The following EXOC4 variants were observed in gnomAD, a reference collection of about 807,000 sequenced individuals.
The protein encoded by EXOC4 is SEC8-like 1.
In EXOC4, 71 loss-of-function variants were observed where a neutral mutation model predicts 107.2. The observed-to-expected ratio is 0.66, with a 90% CI of 0.55 to 0.81. The LOEUF (loss-of-function observed/expected upper bound fraction) is 0.81, where lower values mean the gene tolerates loss of function less well. Ranked by LOEUF, EXOC4 falls within the 30% of genes least tolerant of loss-of-function variation. EXOC4 has a pLI of 0.00. For synonymous variants in EXOC4, 456 were observed against 441.2 expected (o/e 1.03, Z -0.42); for missense variants, 1,108 against 1,189.6 (o/e 0.93, Z 1.01).
intron 10 of EXOC4, among the ~76,000 whole-genome samples, chr7:133,753,731 C>T (rs1313403717): frequency 1.3e-5 from 2 of 152,176 alleles, no homozygotes; most frequent in African/African-American, 4.8e-5. Context: ...AAGTTTCTCA[C>T]TGTACCTAGC....
In EXOC4 at chr7:133,607,283, T is replaced by C. The variant is rs751983655; in HGVS notation, c.1418-22762T>C. 9.9e-5 allele frequency among the ~76,000 whole-genome samples: 15 copies of C among 152,158 alleles called. 1 individual carries two copies. Among genetic ancestry groups the C allele is most frequent in the Non-Finnish European group, 1.8e-4 (12 of 68,032 alleles). On this transcript the variant is annotated intron_variant, in intron 9 of 17. Coordinates refer to ENST00000253861, the MANE Select transcript of EXOC4 (RefSeq NM_021807.4). ...TGTGTCTGACAAGCTGATCAAATGA[T>C]AAAGTGAAGGAAAATTGAGCCTCAA...
At chr7:134,009,222 G>T (rs1794713070) in intron 17 of EXOC4, among the ~76,000 whole-genome samples, 1 of 152,104 alleles carries the variant, frequency 6.6e-6, no homozygotes, top group Non-Finnish European at 1.5e-5. Flanking sequence ...TTCTGCCTGA[G>T]ATTTAGTATT....
At chr7:133,515,273 G>A (rs1799850342) in intron 9 of EXOC4, among the ~76,000 whole-genome samples, 2 of 151,806 alleles carry the variant, frequency 1.3e-5, no homozygotes, top group Admixed American at 6.6e-5. Context: ...AGGTGGGTTT[G>A]TAAAACCTGT....
At chr7:133,613,456 G>T (rs1802119282) in intron 9 of EXOC4, among the ~76,000 whole-genome samples, 1 of 152,170 alleles carries the variant, frequency 6.6e-6, no homozygotes, top group South Asian at 2.1e-4. Flanking sequence ...TCATACGGCA[G>T]TGAGAAGTGA....
chr7:133,856,140 A>G (rs1485887522), intron 11 of EXOC4, among the ~76,000 whole-genome samples: 1 of 152,278 alleles, frequency 6.6e-6, no homozygotes, highest in Admixed American at 6.5e-5. Flanking sequence ...AACAGATTCC[A>G]GACCTGCTTC....
At chr7:133,708,374 A>G (rs1794814187) in intron 10 of EXOC4, among the ~76,000 whole-genome samples, 3 of 152,248 alleles carry the variant, frequency 2.0e-5, no homozygotes, top group South Asian at 2.1e-4. Flanking sequence ...TGGGTTACCT[A>G]GTCCTAATAA....
chr7:133,502,592 A>C (rs193093483), intron 9 of EXOC4, among the ~76,000 whole-genome samples: 1 of 152,182 alleles, frequency 6.6e-6, no homozygotes, highest in African/African-American at 2.4e-5. Context: ...GTCACTCAAG[A>C]CACAGTTTAG....
chr7:133,919,794 A>G (rs1353470236), intron 13 of EXOC4, among the ~76,000 whole-genome samples: 1 of 152,116 alleles, frequency 6.6e-6, no homozygotes, highest in Non-Finnish European at 1.5e-5. Context: ...CTATTGAAGG[A>G]TATCTTAGTT....
chr7:133,835,277 T>G (rs1797894342), intron 11 of EXOC4, among the ~76,000 whole-genome samples: 3 of 152,224 alleles, frequency 2.0e-5, no homozygotes, highest in African/African-American at 7.2e-5. Flanking sequence ...AATTTAAGAA[T>G]GTGTGCCCAT....
At chr7:133,989,780 C>T (rs184806309) in intron 14 of EXOC4, among the ~76,000 whole-genome samples, 27 of 152,072 alleles carry the variant, frequency 1.8e-4, no homozygotes, top group African/African-American at 6.5e-4. Context: ...TGGAGAAAGT[C>T]AGTGTTGAGA....
chr7:133,665,470 A>C, intron 10 of EXOC4, among the ~76,000 whole-genome samples: 1 of 152,280 alleles, frequency 6.6e-6, no homozygotes, highest in East Asian at 1.9e-4. Flanking sequence ...TCTATAAATT[A>C]AGGTAATTGG....
chr7:134,053,397 C>G (rs994726092), intron 17 of EXOC4, among the ~76,000 whole-genome samples: 3 of 152,010 alleles, frequency 2.0e-5, no homozygotes, highest in African/African-American at 7.2e-5. Context: ...CCCTATGTTA[C>G]TATTTCCTTT....
intron 12 of EXOC4, among the ~76,000 whole-genome samples, chr7:133,905,712 T>C (rs1170402466): frequency 6.6e-6 from 1 of 152,128 alleles, no homozygotes; most frequent in African/African-American, 2.4e-5. Context: ...ATAAAACCTC[T>C]TCCCTAGTGT....
chr7:133,599,772 A>G (rs1801763052), intron 9 of EXOC4, among the ~76,000 whole-genome samples: 1 of 152,070 alleles, frequency 6.6e-6, no homozygotes, highest in Non-Finnish European at 1.5e-5. Flanking sequence ...CTGGTGGGTA[A>G]AGTGGTGTGA....
intron 9 of EXOC4, among the ~76,000 whole-genome samples, chr7:133,545,614 C>G (rs952898563): frequency 6.6e-6 from 1 of 152,106 alleles, no homozygotes; most frequent in Non-Finnish European, 1.5e-5. Flanking sequence ...TACAGATTCT[C>G]CAGTTCACAT....
intron 9 of EXOC4, among the ~76,000 whole-genome samples, chr7:133,586,625 G>A (rs1801411054): frequency 6.6e-6 from 1 of 152,156 alleles, no homozygotes; most frequent in Admixed American, 6.5e-5. Flanking sequence ...ATATTCTTTC[G>A]GGTATATACC....
At chr7:133,825,338 C>T (rs755526709) in intron 11 of EXOC4, among the ~76,000 whole-genome samples, 19 of 151,988 alleles carry the variant, frequency 1.3e-4, no homozygotes, top group Non-Finnish European at 2.4e-4. Context: ...GCACTGCAGC[C>T]TGAATGATAG....
At chr7:133,450,490 T>A (rs1239379849) in intron 7 of EXOC4, among the ~76,000 whole-genome samples, 2 of 152,180 alleles carry the variant, frequency 1.3e-5, no homozygotes, top group Non-Finnish European at 2.9e-5. Context: ...TATCTTTTCC[T>A]CACTTTTTCT....
intron 12 of EXOC4, among the ~76,000 whole-genome samples, chr7:133,907,891 GCT>G (rs1410080340): frequency 6.6e-6 from 1 of 152,100 alleles, no homozygotes; most frequent in African/African-American, 2.4e-5. Context: ...AGAAATCACT[GCT>G]CTGAACTCTT....
Sources: gnomAD v4.1 joint callset for allele counts (sites outside exome capture counted in the v4.1 genomes callset) on GRCh38, gnomAD v4.1.1 for gene constraint, MANE v1.5 for transcripts, NCBI Gene and HGNC (gene_info 2026-07-23, HGNC 2026-07-21) for gene names.